The following SKI variants were observed in gnomAD, a reference collection of about 807,000 sequenced individuals.
SKI encodes ski oncogene.
A neutral mutation model predicts 59.3 loss-of-function variants in SKI; 23 were observed. The ratio of observed to expected loss-of-function variants is 0.39; its 90% CI spans 0.28 to 0.55. SKI has a LOEUF of 0.55. Among genes scored for constraint, SKI ranks in the 20% least tolerant of loss-of-function variants. The probability of loss-of-function intolerance (pLI) is 0.67; values close to 1 mark genes in which losing one functional copy is unlikely to be tolerated. For synonymous variants in SKI, 673 were observed against 488.6 expected, an observed-to-expected ratio of 1.38 and a Z score of -4.98; for missense variants, 1,017 against 1,038.9, an observed-to-expected ratio of 0.98 and a Z score of 0.29.
chr1:2,304,109 G>T lies in SKI; in HGVS notation c.1474+7G>T. ...GTTGAAAGCAGGGAGGAATGTACGT[G>T]TGAGTCGCTTTCTGTGCCTCCTCCC... On this transcript the variant is annotated splice_region_variant and intron_variant, in intron 4 of 6. Transcript: ENST00000378536. 6.2e-7 allele frequency: 1 copy of T among 1,612,290 alleles called. No homozygotes were observed.
At chr1:2,257,032 C>T (rs570789892) in intron 1 of SKI, among the ~76,000 whole-genome samples, 1 of 152,228 alleles carries the variant, frequency 6.6e-6, no homozygotes, top group Non-Finnish European at 1.5e-5. Flanking sequence ...CCTTGTGGCT[C>T]AGGATTACTC....
intron 1 of SKI, among the ~76,000 whole-genome samples, chr1:2,243,678 G>A (rs907832311): frequency 1.3e-5 from 2 of 152,138 alleles, no homozygotes; most frequent in African/African-American, 4.8e-5. Context: ...CCCTGTCATC[G>A]GTCTTGTTGG....
In SKI at chr1:2,301,388, G is replaced by A. The variant is rs924749089; in HGVS notation, c.970-1590G>A. Reference sequence around the variant, plus strand: ...CCACAGCCGTGAGCCTTCAGGGGCTGCCTGCCCTGCGTCCCCGGCCCTGTG... The same window carrying A: ...CCACAGCCGTGAGCCTTCAGGGGCTACCTGCCCTGCGTCCCCGGCCCTGTG... On this transcript the variant is annotated intron_variant, in intron 1 of 6. Coordinates refer to ENST00000378536, the MANE Select transcript of SKI (RefSeq NM_003036.4). 2.6e-5 allele frequency among the ~76,000 whole-genome samples: 4 copies of A among 152,364 alleles called. No individual in the cohort carries two copies. The East Asian group carries it at 7.7e-4, about 29-fold the overall frequency.
chr1:2,288,873 C>T (rs181433367), intron 1 of SKI, among the ~76,000 whole-genome samples: 8 of 152,308 alleles, frequency 5.3e-5, no homozygotes, highest in South Asian at 2.1e-4. Flanking sequence ...CCCCTCCCCC[C>T]GCCACGTGTG....
Position 2,271,629 on chromosome 1 carries a change from C to T in SKI, c.970-31349C>T, listed in dbSNP as rs374500180. Among the ~76,000 whole-genome samples, 36 of 152,208 alleles carry T rather than the reference C, an allele frequency of 2.4e-4. 1 individual carries two copies. In the Middle Eastern group the frequency reaches 0.017, roughly 72 times the overall value. On this transcript the variant is annotated intron_variant, in intron 1 of 6. Coordinates refer to ENST00000378536, the MANE Select transcript of SKI (RefSeq NM_003036.4). ...TACGCTGCTCTCGCCCCTCGGGAAC[C>T]TTTGTCCCATTGAGCCCCGCCATTG... is the stretch of plus-strand genomic sequence containing the variant.
chr1:2,302,420 A>G (rs1237752950), intron 1 of SKI, among the ~76,000 whole-genome samples: 1 of 151,948 alleles, frequency 6.6e-6, no homozygotes, highest in Non-Finnish European at 1.5e-5. Flanking sequence ...TCTTTAATGC[A>G]CCTGTGCCAG....
In SKI at chr1:2,303,765, GGGGTGTGCGCCA is replaced by G; in HGVS notation, c.1212-72_1212-61del. On this transcript the variant is annotated intron_variant, in intron 3 of 6. Transcript: ENST00000378536. The surrounding 1 kb of genome is among the most constrained non-coding windows in gnomAD (Gnocchi z 5.6). ...TCTTTCCTGTTTAACACCTTCAGAG[GGGGTGTGCGCCA>G]GGATGTGTCTGGGTGGTGCTTGGGG... 1 of 1,561,072 alleles carries G rather than the reference GGGGTGTGCGCCA, an allele frequency of 6.4e-7. No individual in the cohort carries two copies. The highest frequency in any genetic ancestry group is 8.7e-7 in the Non-Finnish European group (1 of 1,144,988).
chr1:2,234,081 C>T (rs1638700526), intron 1 of SKI, among the ~76,000 whole-genome samples: 1 of 152,192 alleles, frequency 6.6e-6, no homozygotes, highest in Admixed American at 6.5e-5. Flanking sequence ...GGCCCTGGTC[C>T]CCGTGCAGAA....
At chr1:2,232,347 C>G (rs1638657340) in intron 1 of SKI, 1 of 152,194 alleles carries the variant, frequency 6.6e-6, no homozygotes, top group African/African-American at 2.4e-5. Flanking sequence ...GGTCGGGTCT[C>G]CTGCCTGAGT....
At chr1:2,230,267 C>T (rs1487315542) in intron 1 of SKI, among the ~76,000 whole-genome samples, 1 of 152,314 alleles carries the variant, frequency 6.6e-6, no homozygotes, top group South Asian at 2.1e-4. Context: ...TACTGGCTCC[C>T]GCTCCCTGTT....
In SKI at chr1:2,302,893, G is replaced by A; in HGVS notation, c.970-85G>A. The A allele has an allele frequency of 7.6e-6, 12 of 1,579,642 alleles. No homozygotes were observed. In the South Asian group the frequency reaches 1.0e-4, roughly 13 times the overall value. The stretch of plus-strand genomic sequence containing the variant: ...TTGTGGCCGGAGTGCATGGGGCTCT[G>A]ACTGCCATGTGCCAGCCACGGGGCT... On this transcript the variant is annotated intron_variant, in intron 1 of 6. Transcript: ENST00000378536.
chr1:2,304,270 TTC>T (rs1450527277), intron 4 of SKI, 21 bp from the exon 5 acceptor site: 1 of 1,551,766 alleles, frequency 6.4e-7, no homozygotes, highest in Non-Finnish European at 8.7e-7. Flanking sequence ...ATGACTTTGT[TTC>T]TGTCTCTGCT....
At chr1:2,305,632 T>TG (rs993476745) in intron 5 of SKI, among the ~76,000 whole-genome samples, 4 of 151,968 alleles carry the variant, frequency 2.6e-5, no homozygotes, top group Non-Finnish European at 5.9e-5. Flanking sequence ...TCTGGCTGCG[T>TG]GGGGAGACCC....
Position 2,229,212 on chromosome 1 carries a change from A to T in SKI, c.446A>T (p.Tyr149Phe). 1 of 1,609,482 alleles carries T rather than the reference A, an allele frequency of 6.2e-7. No individual in the cohort carries two copies. Among genetic ancestry groups the T allele is most frequent in the Non-Finnish European group, 8.5e-7 (1 of 1,178,490 alleles). The change falls in exon 1 of 7, where the codon TAC becomes TTC. Residue 149 changes from tyrosine (Y) to phenylalanine (F), a missense_variant. Physicochemically the swap from Tyr to Phe is conservative, Grantham distance 22. Transcript: ENST00000378536. The surrounding 1 kb of genome is among the most constrained non-coding windows in gnomAD (Gnocchi z 6.3). ...GCGGTGTGCGACGAGCTCCACATCT[A>T]CTGCTCGCGCTGCACGGCCGACCAG... ...INAVCDELHI[Y>F]CSRCTADQLE...
At chr1:2,255,923 C>T (rs1267583505) in intron 1 of SKI, among the ~76,000 whole-genome samples, 1 of 150,216 alleles carries the variant, frequency 6.7e-6, no homozygotes, top group Non-Finnish European at 1.5e-5. Flanking sequence ...AGCCAGTGAC[C>T]TCATTTCCTG....
At chr1:2,296,119 C>G (rs1640279036) in intron 1 of SKI, among the ~76,000 whole-genome samples, 1 of 151,848 alleles carries the variant, frequency 6.6e-6, no homozygotes, top group Non-Finnish European at 1.5e-5. Context: ...GCGCTCATGC[C>G]TGTAGTCCCA....
At chr1:2,231,671 A>G (rs188453286) in intron 1 of SKI, among the ~76,000 whole-genome samples, 10 of 152,352 alleles carry the variant, frequency 6.6e-5, no homozygotes, top group Middle Eastern at 6.8e-3. Context: ...CATACTGACG[A>G]CGTGCACGGT....
chr1:2,280,564 G>A (rs964949752), intron 1 of SKI, among the ~76,000 whole-genome samples: 7 of 152,088 alleles, frequency 4.6e-5, no homozygotes, highest in Non-Finnish European at 8.8e-5. Context: ...GAAACCTGAA[G>A]ACACCTGAGA....
intron 1 of SKI, among the ~76,000 whole-genome samples, chr1:2,276,728 TGTGA>T (rs1639751471): frequency 6.6e-6 from 1 of 152,352 alleles, no homozygotes; most frequent in South Asian, 2.1e-4. Flanking sequence ...TGGCCTCCAC[TGTGA>T]GTATGTGGCC....
Sources: gnomAD v4.1 joint callset for allele counts (sites outside exome capture counted in the v4.1 genomes callset) on GRCh38, gnomAD v4.1.1 for gene constraint, Gnocchi (gnomAD v3.1) non-coding constraint, MANE v1.5 for transcripts, NCBI Gene and HGNC (gene_info 2026-07-23, HGNC 2026-07-21) for gene names.